DAB1: variants seen among roughly 807,000 people sequenced by gnomAD.
DAB1 encodes the protein DAB adaptor protein 1.
Under a neutral mutation model 64.6 loss-of-function variants are expected in DAB1, and 15 were observed. That is an observed-to-expected ratio of 0.23 (90% CI 0.16 to 0.36). The LOEUF (loss-of-function observed/expected upper bound fraction) is 0.36, where lower values mean the gene tolerates loss of function less well. Among genes scored for constraint, DAB1 ranks in the 10% least tolerant of loss-of-function variants. The pLI is 1.00. For missense variants in DAB1, 596 were observed against 706.7 expected (o/e 0.84, Z 1.78); for synonymous variants, 235 against 251.9 (o/e 0.93, Z 0.64).
At chr1:58,398,927 T>G (rs1230115005) in intron 3 of DAB1, among the ~76,000 whole-genome samples, 1 of 152,200 alleles carries the variant, frequency 6.6e-6, no homozygotes, top group Non-Finnish European at 1.5e-5. Context: ...AAGGTCACAC[T>G]GCCCTAACTC....
chr1:57,714,831 T>C (rs899384698), intron 6 of DAB1, among the ~76,000 whole-genome samples: 25 of 152,138 alleles, frequency 1.6e-4, no homozygotes, highest in African/African-American at 5.3e-4. Context: ...TACTGAGTCA[T>C]GGTGTAAAGG....
intron 1 of DAB1, among the ~76,000 whole-genome samples, chr1:57,324,243 G>A (rs184985141): frequency 6.6e-6 from 1 of 152,202 alleles, no homozygotes. Flanking sequence ...TATTACAGAG[G>A]AGGAGTCGGG....
At chr1:58,379,089 T>C (rs1644363638) in intron 3 of DAB1, among the ~76,000 whole-genome samples, 1 of 151,196 alleles carries the variant, frequency 6.6e-6, no homozygotes, top group Non-Finnish European at 1.5e-5. Flanking sequence ...TGGCACTCCC[T>C]AGTGAGATGA....
chr1:57,048,983 T>C (rs1648869228), intron 9 of DAB1, among the ~76,000 whole-genome samples: 1 of 152,218 alleles, frequency 6.6e-6, no homozygotes, highest in Non-Finnish European at 1.5e-5. Context: ...ACAGCGAGTC[T>C]TTTACAACTC....
chr1:58,047,524 A>C (rs6696684), intron 5 of DAB1, among the ~76,000 whole-genome samples: 66,145 of 152,008 alleles, frequency 0.44, 15,035 homozygotes, highest in Non-Finnish European at 0.51. Flanking sequence ...GTGTCCTACT[A>C]ATCTTTATCA....
chr1:57,991,162 G>C (rs1174036853), intron 5 of DAB1, among the ~76,000 whole-genome samples: 1 of 152,174 alleles, frequency 6.6e-6, no homozygotes, highest in African/African-American at 2.4e-5. Context: ...GTGTGGAACT[G>C]ACTAATTCAT....
In DAB1 at chr1:57,185,733, A is replaced by G. The variant is rs12077893; in HGVS notation, c.68-40304T>C. Among the ~76,000 whole-genome samples, 550 of 152,306 alleles carry G rather than the reference A, an allele frequency of 3.6e-3. 3 individuals are homozygous for G. Among genetic ancestry groups the G allele is most frequent in the African/African-American group, 0.012 (514 of 41,568 alleles). On this transcript the variant is annotated intron_variant, in intron 2 of 14. Coordinates refer to ENST00000371236, the MANE Select transcript of DAB1 (RefSeq NM_001365792.1). ...CTCCGAAGTAAGAAATTCCAAATTC[A>G]TAATAATGTTTCTGGTTTTTTGTTT...
intron 6 of DAB1, among the ~76,000 whole-genome samples, chr1:57,652,670 A>G (rs555986051): frequency 2.8e-4 from 43 of 151,842 alleles, no homozygotes; most frequent in Non-Finnish European, 5.2e-4. Flanking sequence ...TTCTTCTCTC[A>G]TTTTTTCTTA....
In DAB1 at chr1:58,391,912, G is replaced by T. The variant is rs79743779; in HGVS notation, n.258-48509C>A. Among the ~76,000 whole-genome samples the T allele has an allele frequency of 7.6e-3, 1,163 of 152,300 alleles. 10 individuals are homozygous for T. The highest frequency in any genetic ancestry group is 0.026 in the African/African-American group (1,100 of 41,562). On this transcript the variant is annotated intron_variant and non_coding_transcript_variant, in intron 3 of 20. Coordinates refer to the DAB1 transcript ENST00000485760. Reference sequence around the variant, plus strand: ...ATTTTATAACTGTAGTAGAAACTGGGTAAGTAAGCACCCCAACAGGGAGAT... The same window carrying T: ...ATTTTATAACTGTAGTAGAAACTGGTTAAGTAAGCACCCCAACAGGGAGAT...
intron 2 of DAB1, among the ~76,000 whole-genome samples, chr1:57,287,959 C>T (rs657612): frequency 0.39 from 59,079 of 151,318 alleles, 11,998 homozygotes; most frequent in Admixed American, 0.56. Context: ...CCATGCCTGA[C>T]TAATTTTTGT....
chr1:57,867,200 A>G (rs568915182), intron 1 of DAB1: 1 of 152,256 alleles, frequency 6.6e-6, no homozygotes, highest in East Asian at 1.9e-4. Flanking sequence ...CGGCACGCCC[A>G]TTGCCAGTAA....
chr1:57,487,468 C>A (rs1230058369), intron 7 of DAB1, among the ~76,000 whole-genome samples: 1 of 152,226 alleles, frequency 6.6e-6, no homozygotes, highest in African/African-American at 2.4e-5. Context: ...AACACCCAGA[C>A]CTTCCCTCTG....
intron 5 of DAB1, among the ~76,000 whole-genome samples, chr1:58,092,909 T>C (rs1479556105): frequency 6.6e-6 from 1 of 152,220 alleles, no homozygotes; most frequent in Non-Finnish European, 1.5e-5. Context: ...TGGTTTCTTC[T>C]AATCAAACAA....
At chr1:57,026,916 T>G (rs1486412221) in intron 9 of DAB1, among the ~76,000 whole-genome samples, 1 of 152,190 alleles carries the variant, frequency 6.6e-6, no homozygotes, top group Non-Finnish European at 1.5e-5. Flanking sequence ...CGTGACTTAA[T>G]TATGACAAGT....
chr1:57,976,132 G>C (rs1645914417), intron 5 of DAB1, among the ~76,000 whole-genome samples: 1 of 152,162 alleles, frequency 6.6e-6, no homozygotes. Flanking sequence ...AGACTTCGTG[G>C]ACTAGGTTGA....
intron 7 of DAB1, among the ~76,000 whole-genome samples, chr1:57,442,044 C>T (rs1364579106): frequency 2.0e-5 from 3 of 152,198 alleles, no homozygotes; most frequent in African/African-American, 2.4e-5. Flanking sequence ...TAGTGATGAG[C>T]GTTTTTCATA....
In DAB1 at chr1:57,062,936, G is replaced by A. The variant is rs796337034; in HGVS notation, c.671C>T (p.Thr224Ile). 1.2e-5 allele frequency: 19 copies of A among 1,614,038 alleles called. No homozygotes were observed. The highest frequency in any genetic ancestry group is 1.3e-5 in the Non-Finnish European group (15 of 1,179,920). The change falls in exon 9 of 15, where the codon ACC (threonine) becomes ATC (isoleucine). Residue 224 changes from threonine (T) to isoleucine (I), a missense_variant. By Grantham distance (89) the Thr-to-Ile change is moderately conservative. Coordinates refer to ENST00000371236, the MANE Select transcript of DAB1 (RefSeq NM_001365792.1). ...ATAAACACCTTCCTTCTTTTGGCTG[G>A]TGGGAACCTATGGAAAAATTAAATT... Reference protein sequence around the residue: ...ETEENIYQVPTSQKKEGVYDV... With the variant: ...ETEENIYQVPISQKKEGVYDV...
chr1:57,111,465 T>C (rs538199045), intron 4 of DAB1, among the ~76,000 whole-genome samples: 47 of 152,132 alleles, frequency 3.1e-4, no homozygotes, highest in Admixed American at 2.1e-3. Context: ...ACTCTTGTTT[T>C]ATCTACACCA....
At chr1:57,683,201 C>T (rs74075822) in intron 6 of DAB1, among the ~76,000 whole-genome samples, 3,182 of 152,192 alleles carry the variant, frequency 0.021, 106 homozygotes, top group African/African-American at 0.073. Context: ...CATGGGCTGG[C>T]GTGGGAGCAA....
Sources: gnomAD v4.1 joint callset for allele counts (sites outside exome capture counted in the v4.1 genomes callset) on GRCh38, gnomAD v4.1.1 for gene constraint, MANE v1.5 for transcripts, NCBI Gene and HGNC (gene_info 2026-07-23, HGNC 2026-07-21) for gene names.